CARMIL3: variants seen among roughly 807,000 people sequenced by gnomAD.
The protein encoded by CARMIL3 is capping protein, Arp2/3 and myosin-I linker protein 3.
A neutral mutation model predicts 180.8 loss-of-function variants in CARMIL3; 88 were observed. The observed-to-expected ratio is 0.49, with a 90% CI of 0.41 to 0.58. CARMIL3 has a LOEUF of 0.58. Among genes scored for constraint, CARMIL3 ranks in the 20% least tolerant of loss-of-function variants. CARMIL3 has a pLI of 0.00. For synonymous variants in CARMIL3, 696 were observed against 714.5 expected (o/e 0.97, Z 0.41); for missense variants, 1,548 against 1,787.0 (o/e 0.87, Z 2.41).
At chr14:24,064,692 C>T (rs1041584684) in intron 32 of CARMIL3, among the ~76,000 whole-genome samples, 4 of 152,136 alleles carry the variant, frequency 2.6e-5, no homozygotes, top group African/African-American at 9.7e-5. Flanking sequence ...GCAGACTGCC[C>T]AGGGTCTGTC....
intron 10 of CARMIL3, 76 bp from the exon 11 acceptor site, chr14:24,056,223 T>C (rs2138712977): frequency 2.5e-6 from 3 of 1,210,404 alleles, no homozygotes; most frequent in East Asian, 2.5e-5. Flanking sequence ...GGCAGTCAGG[T>C]AGAGGAGGAG....
Position 24,068,606 on chromosome 14 carries a change from C to A in CARMIL3, c.3705C>A (p.His1235Gln), listed in dbSNP as rs372930785. Residue 1235 changes from histidine to glutamine, a missense_variant, in exon 37 of 40, where the codon CAC becomes CAA. Coordinates refer to ENST00000342740, the MANE Select transcript of CARMIL3 (RefSeq NM_138360.4). Reference protein sequence around the residue: ...WHIAEESAPNHSCQSPSPASQ... With the variant: ...WHIAEESAPNQSCQSPSPASQ... ...CAGCTGAAGAGAGTGCCCCCAACCA[C>A]AGCTGCCAGAGTCCCAGCCCAGCCT... 3.1e-6 allele frequency: 5 copies of A among 1,613,362 alleles called. No individual in the cohort carries two copies. Among genetic ancestry groups the A allele is most frequent in the South Asian group, 1.1e-5 (1 of 90,964 alleles).
In CARMIL3 at chr14:24,066,611, C is replaced by T. The variant is rs2035789493; in HGVS notation, c.3637C>T (p.Pro1213Ser). 6.2e-7 allele frequency: 1 copy of T among 1,614,118 alleles called. No individual in the cohort carries two copies. The highest frequency in any genetic ancestry group is 1.3e-5 in the African/African-American group (1 of 74,942). Residue 1213 changes from proline (P) to serine (S), a missense_variant, in exon 36 of 40, where the codon CCA (proline) becomes TCA (serine). Physicochemically the swap from Pro to Ser is moderately conservative, Grantham distance 74. Transcript: ENST00000342740. ...CCCACCACCGCCCCAAAGCACCAAACCAAGCTTCAGCGCCATGCGCAGAGC... is the reference window on the plus strand; with the variant it reads ...CCCACCACCGCCCCAAAGCACCAAATCAAGCTTCAGCGCCATGCGCAGAGC... ...KPPPPPQSTK[P>S]SFSAMRRAEA...
At position 24,055,796 on chromosome 14, in the gene CARMIL3, C is replaced by T. The variant is rs925563505; in HGVS notation, c.770+7C>T. 6.2e-7 allele frequency: 1 copy of T among 1,613,648 alleles called. No individual in the cohort carries two copies. Among genetic ancestry groups the T allele is most frequent in the Non-Finnish European group, 8.5e-7 (1 of 1,179,632 alleles). On this transcript the variant is annotated splice_region_variant and intron_variant, in intron 10 of 39. Coordinates refer to ENST00000342740, the MANE Select transcript of CARMIL3 (RefSeq NM_138360.4). ...ACAACGCCGGGCTTAAGACGTGAGG[C>T]CAGTCTCCTCCTTGGGCAGTAGTGC...
In CARMIL3 at chr14:24,054,011, C is replaced by CT; in HGVS notation, c.136-76dup. The CT allele has an allele frequency of 6.5e-7, 1 of 1,529,040 alleles. No individual in the cohort carries two copies. Among genetic ancestry groups the CT allele is most frequent in the Non-Finnish European group, 9.0e-7 (1 of 1,113,506 alleles). The allele number at this position is 1,529,040 out of a possible 1,614,324, so 94.7% of individuals were successfully genotyped here. ...TTGGGGAGACACTCCAAGAGCAGAG[C>CT]TGAAGGGCTTAAGGAGGGCAGGGCC... is the stretch of plus-strand genomic sequence containing the variant. On this transcript the variant is annotated intron_variant, in intron 2 of 39. Coordinates refer to ENST00000342740, the MANE Select transcript of CARMIL3 (RefSeq NM_138360.4). This position sits in a 1 kb window ranked among gnomAD's most constrained non-coding sequence, Gnocchi z 5.1.
Position 24,054,032 on chromosome 14 carries a change from G to C in CARMIL3, c.136-56G>C. On this transcript the variant is annotated intron_variant, in intron 2 of 39. Transcript: ENST00000342740. The surrounding 1 kb of genome is among the most constrained non-coding windows in gnomAD (Gnocchi z 5.1). Reference sequence around the variant, plus strand: ...AGAGCTGAAGGGCTTAAGGAGGGCAGGGCCACCAAGGCCCAGCAGCTGCCA... The same window carrying C: ...AGAGCTGAAGGGCTTAAGGAGGGCACGGCCACCAAGGCCCAGCAGCTGCCA... 1 of 1,598,980 alleles carries C rather than the reference G, an allele frequency of 6.3e-7. No homozygotes were observed. The highest frequency in any genetic ancestry group is 1.1e-5 in the South Asian group (1 of 90,486).
chr14:24,060,033 G>A lies in CARMIL3; in HGVS notation c.1932G>A (p.Ala644=), dbSNP rs935360913. The A allele has an allele frequency of 1.4e-5, 22 of 1,613,792 alleles. No individual in the cohort carries two copies. Among genetic ancestry groups the A allele is most frequent in the African/African-American group, 5.3e-5 (4 of 74,944 alleles). ...ACATCTCCCAAGCCTATCGCAGCGCGCCTGAGCGCACCGAGGACGTCTGGC... is the reference window on the plus strand; with the variant it reads ...ACATCTCCCAAGCCTATCGCAGCGCACCTGAGCGCACCGAGGACGTCTGGC... The part of the protein sequence containing the change: ...VSDISQAYRS[A]PERTEDVWQK... The change falls in exon 23 of 40, where the codon GCG becomes GCA. Residue 644 remains alanine, a synonymous_variant. Coordinates refer to ENST00000342740, the MANE Select transcript of CARMIL3 (RefSeq NM_138360.4).
In CARMIL3 at chr14:24,057,820, C is replaced by G. The variant is rs763924817; in HGVS notation, c.1158C>G (p.Leu386=). 6.2e-7 allele frequency: 1 copy of G among 1,610,630 alleles called. No homozygotes were observed. The highest frequency in any genetic ancestry group is 8.5e-7 in the Non-Finnish European group (1 of 1,179,718). ...CVIDLLLGAL[L]HGCCSHLTYL... is the part of the protein sequence containing the mutation. The stretch of plus-strand genomic sequence containing the variant: ...CCCCACAGCTTCTCGGTGCCCTGCT[C>G]CACGGCTGCTGCTCCCACCTCACCT... The change falls in exon 15 of 40, where the codon CTC becomes CTG. Residue 386 remains leucine, a synonymous_variant. Transcript: ENST00000342740.
rs750965897 is a variant in CARMIL3 at position 24,063,197 on chromosome 14, C to T, written c.2770+14C>T. ...CTGCCTTCATCAGTGAGTCTCCCAG[C>T]CTCCGTTCTCATGGACTCCAGACTC... On this transcript the variant is annotated intron_variant, in intron 30 of 39. Coordinates refer to ENST00000342740, the MANE Select transcript of CARMIL3 (RefSeq NM_138360.4). The T allele has an allele frequency of 7.4e-6, 12 of 1,611,464 alleles. No individual in the cohort carries two copies. Among genetic ancestry groups the T allele is most frequent in the Non-Finnish European group, 1.0e-5 (12 of 1,177,886 alleles).
rs760537826 is a variant in CARMIL3 at position 24,059,267 on chromosome 14, C to T, written c.1627-3C>T. 1 of 1,613,836 alleles carries T rather than the reference C, an allele frequency of 6.2e-7. No homozygotes were observed. Among genetic ancestry groups the T allele is most frequent in the Non-Finnish European group, 8.5e-7 (1 of 1,179,938 alleles). On this transcript the variant is annotated splice_polypyrimidine_tract_variant and splice_region_variant and intron_variant, in intron 20 of 39. Transcript: ENST00000342740. The surrounding 1 kb of genome is among the most constrained non-coding windows in gnomAD (Gnocchi z 6.3). Reference sequence around the variant, plus strand: ...TGGGTCCAACCGCCCCTTGCCCACACAGTCCCTGCAGTCACTGTCGGTGGC... The same window carrying T: ...TGGGTCCAACCGCCCCTTGCCCACATAGTCCCTGCAGTCACTGTCGGTGGC...
chr14:24,064,112 GA>G lies in CARMIL3; in HGVS notation c.2980-129del, dbSNP rs901609516. The G allele has an allele frequency of 3.5e-5, 11 of 318,632 alleles. 1 individual carries two copies. The highest frequency in any genetic ancestry group is 2.2e-4 in the East Asian group (2 of 9,190). The allele number at this position is 318,632 out of a possible 1,614,324, so 19.7% of individuals were successfully genotyped here. On this transcript the variant is annotated intron_variant, in intron 31 of 39. Transcript: ENST00000342740. Reference sequence around the variant, plus strand: ...CCGTCTCAAAAAAAAAAAAAAAAAAGAAAAAGAAACACTGGGTGAACTGAAG... The same window carrying G: ...CCGTCTCAAAAAAAAAAAAAAAAAAGAAAAGAAACACTGGGTGAACTGAAG...
chr14:24,061,088 C>G lies in CARMIL3; in HGVS notation c.2304+48C>G. ...ATCCATGGTGGGAACCTAGTGTTGA[C>G]TGAGGCCCTAAGCCCAGAGCTAAAG... On this transcript the variant is annotated intron_variant, in intron 26 of 39. Transcript: ENST00000342740. The surrounding 1 kb of genome is among the most constrained non-coding windows in gnomAD (Gnocchi z 4.1). 1 of 1,498,330 alleles carries G rather than the reference C, an allele frequency of 6.7e-7. No individual in the cohort carries two copies. The highest frequency in any genetic ancestry group is 9.1e-7 in the Non-Finnish European group (1 of 1,100,084). The allele number at this position is 1,498,330 out of a possible 1,614,324, so 92.8% of individuals were successfully genotyped here.
chr14:24,060,485 G>A (rs1229518023), intron 24 of CARMIL3, 143 bp from the exon 25 acceptor site: 2 of 1,305,966 alleles, frequency 1.5e-6, no homozygotes, highest in African/African-American at 2.9e-5. Flanking sequence ...CATTCAAGAA[G>A]GCTGTAGCAA....
chr14:24,055,539 A>G lies in CARMIL3; in HGVS notation c.606-4A>G. The G allele has an allele frequency of 6.2e-7, 1 of 1,613,768 alleles. No individual in the cohort carries two copies. Among genetic ancestry groups the G allele is most frequent in the Admixed American group, 1.7e-5 (1 of 59,994 alleles). On this transcript the variant is annotated splice_polypyrimidine_tract_variant and splice_region_variant and intron_variant, in intron 8 of 39. Coordinates refer to ENST00000342740, the MANE Select transcript of CARMIL3 (RefSeq NM_138360.4). ...CTTTCCTGCCCCCTTCCATATCCCC[A>G]CAGAGACTTGGCCCTAATGGTAGCA...
chr14:24,063,813 G>A (rs2138773609), intron 31 of CARMIL3, among the ~76,000 whole-genome samples: 1 of 152,270 alleles, frequency 6.6e-6, no homozygotes, highest in Non-Finnish European at 1.5e-5. Flanking sequence ...AACACTAGGT[G>A]AGCTGGGCAT....
chr14:24,060,497 G>C, intron 24 of CARMIL3, 131 bp from the exon 25 acceptor site: 1 of 1,385,062 alleles, frequency 7.2e-7, no homozygotes, highest in Non-Finnish European at 9.9e-7. Flanking sequence ...CTGTAGCAAT[G>C]GGGACCAGGC....
At chr14:24,063,260 C>G in intron 30 of CARMIL3, 65 bp from the exon 31 acceptor site, 10 of 1,592,784 alleles carry the variant, frequency 6.3e-6, no homozygotes, top group Non-Finnish European at 7.7e-6. Context: ...GATTTTTTCT[C>G]TGTCTCCCCA....
intron 33 of CARMIL3, 135 bp from the exon 34 acceptor site, chr14:24,065,487 C>A: frequency 7.5e-7 from 1 of 1,336,414 alleles, no homozygotes; most frequent in Non-Finnish European, 1.0e-6. Flanking sequence ...GTTGGAAGGA[C>A]TCTTCAGAGG....
chr14:24,065,165 C>A lies in CARMIL3; in HGVS notation c.3288C>A (p.Asp1096Glu), dbSNP rs752368658. ...CTCAGGAGAGCCCCCCTAGCCCAGA[C>A]CCCCCAAGCCTCGGCAATAACTCCT... is the stretch of plus-strand genomic sequence containing the variant. The part of the protein sequence containing the change: ...PPTQESPPSP[D>E]PPSLGNNSSP... Residue 1096 changes from aspartate to glutamate, a missense_variant, in exon 33 of 40, where the codon GAC (aspartate) becomes GAA (glutamate). Asp to Glu is a conservative substitution (Grantham distance 45, BLOSUM62 2). Coordinates refer to ENST00000342740, the MANE Select transcript of CARMIL3 (RefSeq NM_138360.4). 1.2e-4 allele frequency: 179 copies of A among 1,487,208 alleles called. No homozygotes were observed. The highest frequency in any genetic ancestry group is 1.5e-4 in the Non-Finnish European group (173 of 1,121,750). The allele number at this position is 1,487,208 out of a possible 1,614,324, so 92.1% of individuals were successfully genotyped here. A position where few individuals can be genotyped will look rare whatever the true frequency, so the allele number is the denominator to read the frequency against.
Sources: gnomAD v4.1 joint callset for allele counts (sites outside exome capture counted in the v4.1 genomes callset) on GRCh38, gnomAD v4.1.1 for gene constraint, Gnocchi (gnomAD v3.1) non-coding constraint, MANE v1.5 for transcripts, NCBI Gene and HGNC (gene_info 2026-07-23, HGNC 2026-07-21) for gene names.